Variants in PTPN11 observed in about 807,000 individuals in gnomAD.
The protein encoded by PTPN11 is protein tyrosine phosphatase non-receptor type 11.
PTPN11 carries 6 observed loss-of-function variants against 78.8 expected under a neutral mutation model. The observed-to-expected ratio is 0.08, with a 90% CI of 0.04 to 0.15. The LOEUF (loss-of-function observed/expected upper bound fraction) is 0.15, where lower values mean the gene tolerates loss of function less well. PTPN11 is among the 10% of genes least tolerant of loss of function. The pLI is 1.00. For missense variants in PTPN11, 386 were observed against 744.8 expected, an observed-to-expected ratio of 0.52 and a Z score of 5.61; for synonymous variants, 221 against 263.5, an observed-to-expected ratio of 0.84 and a Z score of 1.56.
At chr12:112,437,210 G>A (rs138976219) in intron 1 of PTPN11, among the ~76,000 whole-genome samples, 151 of 152,220 alleles carry the variant, frequency 9.9e-4, no homozygotes, top group African/African-American at 3.5e-3. Context: ...GAGTGCAGTG[G>A]AATGATCTTG....
In PTPN11 at chr12:112,453,170, CT is replaced by C. The variant is rs766492276; in HGVS notation, c.333-19del. Reference sequence around the variant, plus strand: ...CATGAACCCATAGTAGAGCTAAATTCTTTTTTATTTTTTAAAAACTTTAGGT... The same window carrying C: ...CATGAACCCATAGTAGAGCTAAATTCTTTTTATTTTTTAAAAACTTTAGGT... On this transcript the variant is annotated intron_variant, in intron 3 of 15. Transcript: ENST00000351677. 310 of 1,595,242 alleles carry C rather than the reference CT, an allele frequency of 1.9e-4. No individual in the cohort carries two copies. The highest frequency in any genetic ancestry group is 9.7e-5 in the Non-Finnish European group (113 of 1,165,270).
At position 112,482,324 on chromosome 12, in the gene PTPN11, T is replaced by A; in HGVS notation, c.1224+119T>A. On this transcript the variant is annotated intron_variant, in intron 10 of 15. Coordinates refer to ENST00000351677, the MANE Select transcript of PTPN11 (RefSeq NM_002834.5). The surrounding 1 kb of genome is among the most constrained non-coding windows in gnomAD (Gnocchi z 4.4). ...TGCATTCGCTCACTCATTGATTCAG[T>A]AGCCATTTATTAGCTTCCTTCTATG... is the stretch of plus-strand genomic sequence containing the variant. 1 of 1,189,736 alleles carries A rather than the reference T, an allele frequency of 8.4e-7. No homozygotes were observed. Among genetic ancestry groups the A allele is most frequent in the Non-Finnish European group, 1.2e-6 (1 of 809,314 alleles). The allele number at this position is 1,189,736 out of a possible 1,614,324, so 73.7% of individuals were successfully genotyped here. A position where few individuals can be genotyped will look rare whatever the true frequency, so the allele number is the denominator to read the frequency against.
At chr12:112,490,912 G>A (rs2038737845) in intron 13 of PTPN11, among the ~76,000 whole-genome samples, 2 of 152,280 alleles carry the variant, frequency 1.3e-5, no homozygotes, top group East Asian at 1.9e-4. Flanking sequence ...AGTTTAAATG[G>A]CAGACATAAC....
chr12:112,507,010 A>G lies in PTPN11; in HGVS notation c.*1218A>G, dbSNP rs558595665. 2.0e-4 allele frequency: 49 copies of G among 241,882 alleles called. No individual in the cohort carries two copies. The highest frequency in any genetic ancestry group is 8.8e-4 in the African/African-American group (39 of 44,502). The allele number at this position is 241,882 out of a possible 1,614,324, so 15.0% of individuals were successfully genotyped here. On this transcript the variant is annotated 3_prime_UTR_variant, in exon 16 of 16. Transcript: ENST00000351677. The stretch of plus-strand genomic sequence containing the variant: ...ATGATGATGGTTTTTTCTAATCAGA[A>G]GAAAGCTGGGGTATGCCCTCTACTT...
At chr12:112,464,550 G>A (rs2038297760) in intron 6 of PTPN11, among the ~76,000 whole-genome samples, 1 of 151,922 alleles carries the variant, frequency 6.6e-6, no homozygotes, top group Non-Finnish European at 1.5e-5. Context: ...AGCCACCCAG[G>A]TAGCTGGGAT....
chr12:112,477,831 G>T, intron 8 of PTPN11, 26 bp from the exon 9 acceptor site: 1 of 1,613,798 alleles, frequency 6.2e-7, no homozygotes, highest in Non-Finnish European at 8.5e-7. Context: ...TAAGGTGTTT[G>T]AAGGATTTTC....
intron 1 of PTPN11, among the ~76,000 whole-genome samples, chr12:112,426,964 G>A (rs985469313): frequency 2.0e-4 from 31 of 152,172 alleles, no homozygotes; most frequent in Admixed American, 2.0e-3. Flanking sequence ...ATAGATAATG[G>A]CCGGGCGTGG....
At position 112,509,463 on chromosome 12, in the gene PTPN11, G is replaced by T. The variant is rs1017950188; in HGVS notation, c.*3671G>T. ...TTATTAATAAAAGCTAATGGGAAAA[G>T]GATCCCTGATTAAGCTGATGACTAG... On this transcript the variant is annotated 3_prime_UTR_variant, in exon 16 of 16. Coordinates refer to ENST00000351677, the MANE Select transcript of PTPN11 (RefSeq NM_002834.5). The T allele has an allele frequency of 1.3e-5, 2 of 152,542 alleles. No individual in the cohort carries two copies. Among genetic ancestry groups the T allele is most frequent in the African/African-American group, 4.8e-5 (2 of 41,406 alleles). 9.4% of individuals were successfully genotyped at this position (152,542 alleles called of 1,614,324 possible).
At chr12:112,433,988 G>A (rs1255661887) in intron 1 of PTPN11, among the ~76,000 whole-genome samples, 1 of 151,982 alleles carries the variant, frequency 6.6e-6, no homozygotes, top group Non-Finnish European at 1.5e-5. Context: ...AAAACCTCCT[G>A]TAAAATGTCA....
intron 1 of PTPN11, among the ~76,000 whole-genome samples, chr12:112,439,582 C>G (rs1789038725): frequency 6.6e-6 from 1 of 152,062 alleles, no homozygotes; most frequent in African/African-American, 2.4e-5. Flanking sequence ...GATTCTCCTG[C>G]CTCAGCCTCC....
chr12:112,419,441 A>T (rs1229343947), intron 1 of PTPN11, among the ~76,000 whole-genome samples: 1 of 152,220 alleles, frequency 6.6e-6, no homozygotes, highest in Non-Finnish European at 1.5e-5. Flanking sequence ...TCAGCGCCGC[A>T]TTCCTGACCC....
intron 1 of PTPN11, among the ~76,000 whole-genome samples, chr12:112,441,801 C>T (rs894143119): frequency 1.8e-4 from 26 of 148,240 alleles, no homozygotes; most frequent in Non-Finnish European, 3.9e-4. Flanking sequence ...TTTTTTGAGA[C>T]GGAGTCTCAC....
chr12:112,505,496 A>G (rs2038921448), intron 15 of PTPN11, among the ~76,000 whole-genome samples: 1 of 151,720 alleles, frequency 6.6e-6, no homozygotes, highest in Non-Finnish European at 1.5e-5. Flanking sequence ...AATAGTAGAG[A>G]CCAACCCGTC....
intron 6 of PTPN11, among the ~76,000 whole-genome samples, chr12:112,471,454 A>AAGAGAGAGAGAGAGAGAGAG (rs56070053): frequency 2.1e-4 from 26 of 126,352 alleles, no homozygotes; most frequent in Admixed American, 1.1e-3. Context: ...GATAAACAGA[A>AAGAGAGAGAGAGAGAGAGAG]AGAGAGAGAG....
At chr12:112,439,395 G>A (rs1050467554) in intron 1 of PTPN11, among the ~76,000 whole-genome samples, 1 of 152,186 alleles carries the variant, frequency 6.6e-6, no homozygotes, top group African/African-American at 2.4e-5. Flanking sequence ...TGGGGTTCAA[G>A]TGATTCTCAT....
At chr12:112,419,191 TCCGGAAGGGGGCGCCCCGG>T (rs1472223989) in intron 1 of PTPN11, 66 bp downstream of exon 1, 11 of 1,384,132 alleles carry the variant, frequency 7.9e-6, no homozygotes, top group South Asian at 1.6e-5. Flanking sequence ...GTTAGCCCCG[TCCGGAAGGGGGCGCCCCGG>T]CCGGGCTTCG....
rs930734273 is a variant in PTPN11 at position 112,488,364 on chromosome 12, G to A, written c.1380-79G>A. The A allele has an allele frequency of 5.3e-5, 59 of 1,116,204 alleles. No homozygotes were observed. The African/African-American group carries it at 8.6e-4, about 16-fold the overall frequency. The allele number at this position is 1,116,204 out of a possible 1,614,324, so 69.1% of individuals were successfully genotyped here. Reference sequence around the variant, plus strand: ...CCAAAGAGTAGACATTGTTTCTGTTGATATTAATGGCTTGGTTTTGAGTCT... The same window carrying A: ...CCAAAGAGTAGACATTGTTTCTGTTAATATTAATGGCTTGGTTTTGAGTCT... On this transcript the variant is annotated intron_variant, in intron 11 of 15. Transcript: ENST00000351677.
chr12:112,431,192 C>T (rs1203265445), intron 1 of PTPN11, among the ~76,000 whole-genome samples: 1 of 152,218 alleles, frequency 6.6e-6, no homozygotes, highest in African/African-American at 2.4e-5. Context: ...GCTCTTCCTT[C>T]CCTCTGGCCA....
chr12:112,453,814 T>G (rs1233676790), intron 4 of PTPN11, among the ~76,000 whole-genome samples: 1 of 151,944 alleles, frequency 6.6e-6, no homozygotes. Context: ...CATGCCCAGC[T>G]AGTGTTTGTA....
Sources: gnomAD v4.1 joint callset for allele counts (sites outside exome capture counted in the v4.1 genomes callset) on GRCh38, gnomAD v4.1.1 for gene constraint, Gnocchi (gnomAD v3.1) non-coding constraint, MANE v1.5 for transcripts, NCBI Gene and HGNC (gene_info 2026-07-23, HGNC 2026-07-21) for gene names.